Variants in ZNF341 observed in about 807,000 individuals in gnomAD.
The protein encoded by ZNF341 is zinc finger protein 341.
A neutral mutation model predicts 87.7 loss-of-function variants in ZNF341; 52 were observed. The ratio of observed to expected loss-of-function variants is 0.59; its 90% CI spans 0.47 to 0.75. The LOEUF (loss-of-function observed/expected upper bound fraction) is 0.75, where lower values mean the gene tolerates loss of function less well. ZNF341 is among the 30% of genes least tolerant of loss of function. The pLI is 0.00. For synonymous variants in ZNF341, 459 were observed against 472.7 expected (o/e 0.97, Z 0.38); for missense variants, 977 against 1,145.9 (o/e 0.85, Z 2.13).
At position 33,791,165 on chromosome 20, in the gene ZNF341, A is replaced by T; in HGVS notation, c.2213A>T (p.Asp738Val). 2.5e-6 allele frequency: 4 copies of T among 1,613,198 alleles called. No homozygotes were observed. Among genetic ancestry groups the T allele is most frequent in the Non-Finnish European group, 3.4e-6 (4 of 1,179,998 alleles). ...DHRCRLGPQK[D>V]KDLQTRRPPQ... ...CGCTGTCGTCTCGGCCCCCAAAAGG[A>T]CAAGGACCTGCAAACCCGGCGGCCC... Residue 738 changes from aspartate (D) to valine (V), a missense_variant, in exon 15 of 15, where the codon GAC becomes GTC. Asp to Val is a radical substitution (Grantham distance 152). This residue lies in a region of ZNF341 where 221 missense variants were observed against 212.7 expected (regional missense o/e 1.04). Transcript: ENST00000375200.
chr20:33,733,241 C>G (rs1206591096), intron 1 of ZNF341, among the ~76,000 whole-genome samples: 1 of 139,658 alleles, frequency 7.2e-6, no homozygotes, highest in Non-Finnish European at 1.5e-5. Flanking sequence ...TTTTTTGAGA[C>G]AGAGTCTTGC....
At chr20:33,749,873 C>A (rs1284270381) in intron 4 of ZNF341, among the ~76,000 whole-genome samples, 1 of 152,044 alleles carries the variant, frequency 6.6e-6, no homozygotes, top group Admixed American at 6.6e-5. Flanking sequence ...CTGCCTCAAC[C>A]TCCTGAGTAG....
chr20:33,752,816 T>C (rs746602098), intron 4 of ZNF341, among the ~76,000 whole-genome samples: 4 of 151,954 alleles, frequency 2.6e-5, no homozygotes, highest in Non-Finnish European at 5.9e-5. Flanking sequence ...CACGCCCGGC[T>C]AATTTTTTGT....
chr20:33,767,098 T>C lies in ZNF341; in HGVS notation c.1413+57T>C, dbSNP rs2019424123. The stretch of plus-strand genomic sequence containing the variant: ...CACACCAGTCGAAACCTTTCACTGG[T>C]GCTAGGGTCTTGAATGCTGCCTAGA... On this transcript the variant is annotated intron_variant, in intron 9 of 14. Transcript: ENST00000375200. 7 of 1,556,226 alleles carry C rather than the reference T, an allele frequency of 4.5e-6. No homozygotes were observed. In the South Asian group the frequency reaches 8.5e-5, roughly 19 times the overall value.
In ZNF341 at chr20:33,791,198, G is replaced by A. The variant is rs1245869803; in HGVS notation, c.2246G>A (p.Arg749Lys). 1 of 1,612,884 alleles carries A rather than the reference G, an allele frequency of 6.2e-7. No homozygotes were observed. The highest frequency in any genetic ancestry group is 2.2e-5 in the East Asian group (1 of 44,878). The change falls in exon 15 of 15, where the codon AGG becomes AAG. Residue 749 changes from arginine (R) to lysine (K), a missense_variant. Around this residue, in one of 3 missense-constraint regions of ZNF341, gnomAD observed 221 missense variants for 212.7 expected, o/e 1.04. Transcript: ENST00000375200. ...CTGCAAACCCGGCGGCCCCCCCAGA[G>A]GAGGGCAGCCCCCCGCAGTTGCGGC... Reference protein sequence around the residue: ...KDLQTRRPPQRRAAPRSCGSG... With the variant: ...KDLQTRRPPQKRAAPRSCGSG...
intron 6 of ZNF341, 36 bp downstream of exon 6, chr20:33,757,379 A>G (rs756239188): frequency 1.4e-6 from 2 of 1,426,078 alleles, no homozygotes; most frequent in Non-Finnish European, 1.8e-6. Flanking sequence ...TCTTTCCTCA[A>G]CATTGGCCAA....
chr20:33,740,969 G>A lies in ZNF341; in HGVS notation c.99G>A (p.Pro33=), dbSNP rs372690756. ...LLDGQGAVPD[P]TGQSVNAPPA... ...ATGGCCAAGGAGCAGTCCCTGATCC[G>A]ACAGGCCAGAGTGTCAATGCGCCCC... The change falls in exon 2 of 15, where the codon CCG becomes CCA. Residue 33 remains proline (P), a synonymous_variant. Transcript: ENST00000375200. 1.7e-5 allele frequency: 27 copies of A among 1,613,986 alleles called. No individual in the cohort carries two copies. Among genetic ancestry groups the A allele is most frequent in the Admixed American group, 5.0e-5 (3 of 59,984 alleles).
chr20:33,735,677 G>A (rs1017904128), intron 1 of ZNF341, among the ~76,000 whole-genome samples: 11 of 152,030 alleles, frequency 7.2e-5, no homozygotes, highest in Admixed American at 1.3e-4. Context: ...ACATGCAGTT[G>A]TGGGAAATGA....
chr20:33,743,163 C>T (rs970621158), intron 2 of ZNF341, among the ~76,000 whole-genome samples: 2 of 151,478 alleles, frequency 1.3e-5, no homozygotes, highest in Non-Finnish European at 2.9e-5. Context: ...TCCTGAGTAG[C>T]TGGGACTACA....
chr20:33,737,348 G>A (rs1259993801), intron 1 of ZNF341, among the ~76,000 whole-genome samples: 2 of 151,858 alleles, frequency 1.3e-5, no homozygotes, highest in Non-Finnish European at 2.9e-5. Flanking sequence ...TTGAGACGTA[G>A]TCTCGCTCTG....
chr20:33,787,932 TCTC>T (rs987547091), intron 12 of ZNF341: 2 of 152,282 alleles, frequency 1.3e-5, no homozygotes, highest in African/African-American at 2.4e-5. Context: ...CCTTGACTCC[TCTC>T]CTCCTCTCAC....
chr20:33,753,384 G>A lies in ZNF341; in HGVS notation c.702G>A (p.Glu234=). 1 of 1,607,558 alleles carries A rather than the reference G, an allele frequency of 6.2e-7. No individual in the cohort carries two copies. Among genetic ancestry groups the A allele is most frequent in the Non-Finnish European group, 8.5e-7 (1 of 1,177,164 alleles). The change falls in exon 5 of 15, where the codon GAG becomes GAA. Residue 234 remains glutamate (E), a synonymous_variant. Transcript: ENST00000375200. ...CCCTGGCTGGGAGTGGAACGGTGGA[G>A]ATCCAGGCACTGGGGATGCAGCCCT... ...AAPLAGSGTV[E]IQALGMQPYP...
chr20:33,742,993 G>A (rs2018835729), intron 2 of ZNF341, among the ~76,000 whole-genome samples: 1 of 151,586 alleles, frequency 6.6e-6, no homozygotes, highest in African/African-American at 2.4e-5. Context: ...TAGCCACTGT[G>A]CTGCAGCCTG....
At chr20:33,754,177 CT>C (rs1568941068) in intron 5 of ZNF341, among the ~76,000 whole-genome samples, 2 of 152,134 alleles carry the variant, frequency 1.3e-5, no homozygotes, top group Non-Finnish European at 2.9e-5. Context: ...TAGATGCCAC[CT>C]CTTGATGGGA....
chr20:33,736,069 A>G (rs184849499), intron 1 of ZNF341, among the ~76,000 whole-genome samples: 7 of 144,874 alleles, frequency 4.8e-5, no homozygotes, highest in Admixed American at 4.1e-4. Flanking sequence ...TTAACCACTC[A>G]CTGAAGAACA....
rs552550872 is a variant in ZNF341 at position 33,791,684 on chromosome 20, G to A, written c.*167G>A. On this transcript the variant is annotated 3_prime_UTR_variant, in exon 15 of 15. Transcript: ENST00000375200. ...CCTCAGCCCATGGTCGCCCTCCTGTGCCCCTCTCCTGCCGGAAAGCCCTGC... is the reference window on the plus strand; with the variant it reads ...CCTCAGCCCATGGTCGCCCTCCTGTACCCCTCTCCTGCCGGAAAGCCCTGC... 7 of 768,480 alleles carry A rather than the reference G, an allele frequency of 9.1e-6. No individual in the cohort carries two copies. Among genetic ancestry groups the A allele is most frequent in the Admixed American group, 3.0e-5 (1 of 33,382 alleles). 47.6% of individuals were successfully genotyped at this position (768,480 alleles called of 1,614,324 possible).
At chr20:33,747,154 G>C (rs1405457237) in intron 3 of ZNF341, among the ~76,000 whole-genome samples, 3 of 152,134 alleles carry the variant, frequency 2.0e-5, no homozygotes, top group African/African-American at 4.8e-5. Context: ...GCATATCTCA[G>C]GATGCCAGGT....
chr20:33,765,260 A>G, intron 8 of ZNF341, among the ~76,000 whole-genome samples: 1 of 151,876 alleles, frequency 6.6e-6, no homozygotes, highest in East Asian at 1.9e-4. Context: ...TAATGAAGGG[A>G]GTGTTTTGCT....
At chr20:33,773,948 CACTAT>C (rs1252562940) in intron 10 of ZNF341, among the ~76,000 whole-genome samples, 5 of 152,042 alleles carry the variant, frequency 3.3e-5, no homozygotes, top group African/African-American at 1.2e-4. Context: ...TTAGTCATGC[CACTAT>C]ATCTTTACTG....
Sources: gnomAD v4.1 joint callset for allele counts (sites outside exome capture counted in the v4.1 genomes callset) on GRCh38, gnomAD v4.1.1 for gene constraint, gnomAD v4.1.1 regional missense constraint, MANE v1.5 for transcripts, NCBI Gene and HGNC (gene_info 2026-07-23, HGNC 2026-07-21) for gene names.